LRRC53: variants seen among roughly 807,000 people sequenced by gnomAD.
LRRC53 encodes the protein leucine rich repeat containing 53, also known as leucine-rich repeat-containing protein 53.
LRRC53 carries 25 observed loss-of-function variants against 13.6 expected under a neutral mutation model. The observed-to-expected ratio is 1.83, with a 90% CI of 1.34 to 2.56. The LOEUF is 2.56. LRRC53 is among the 30% of genes most tolerant of loss of function. The pLI is 0.00. For synonymous variants in LRRC53, 204 were observed against 109.8 expected (o/e 1.86, Z -5.37); for missense variants, 527 against 275.8 (o/e 1.91, Z -6.45).
At chr1:74,493,931 C>T (rs1461561259) in intron 1 of LRRC53, among the ~76,000 whole-genome samples, 2 of 152,140 alleles carry the variant, frequency 1.3e-5, no homozygotes, top group African/African-American at 4.8e-5. Flanking sequence ...ATTGCAAAGC[C>T]ATATGGCAAA....
the LRRC53 span, among the ~76,000 whole-genome samples, chr1:74,525,738 T>C: frequency 6.6e-6 from 1 of 152,178 alleles, no homozygotes; most frequent in Non-Finnish European, 1.5e-5. Context: ...GAGAACTTCT[T>C]ACAGCATCCA....
the LRRC53 span, among the ~76,000 whole-genome samples, chr1:74,521,628 C>A: frequency 6.6e-6 from 1 of 152,054 alleles, no homozygotes; most frequent in East Asian, 1.9e-4. Context: ...GGTAAAGACG[C>A]ACTATATTCC....
chr1:74,500,084 T>C (rs957140288), intron 1 of LRRC53, among the ~76,000 whole-genome samples: 1 of 151,884 alleles, frequency 6.6e-6, no homozygotes, highest in Non-Finnish European at 1.5e-5. Context: ...ATTTTTAATA[T>C]GTTTGTCTTA....
the LRRC53 span, among the ~76,000 whole-genome samples, chr1:74,536,855 C>G: frequency 6.6e-6 from 1 of 152,144 alleles, no homozygotes; most frequent in Non-Finnish European, 1.5e-5. Flanking sequence ...AGCTGCATCA[C>G]TGTATTTTCA....
chr1:74,474,074 T>C (rs184484696), intron 4 of LRRC53, among the ~76,000 whole-genome samples: 427 of 152,272 alleles, frequency 2.8e-3, no homozygotes, highest in Non-Finnish European at 3.6e-3. Context: ...TTCTTAAAAG[T>C]ATTCATGTTA....
Position 74,493,769 on chromosome 1 carries a change from G to A in LRRC53, c.-26-10394C>T, listed in dbSNP as rs539259720. Among the ~76,000 whole-genome samples the A allele has an allele frequency of 2.4e-4, 36 of 152,264 alleles. No individual in the cohort carries two copies. The South Asian group carries it at 7.5e-3, about 32-fold the overall frequency. The stretch of plus-strand genomic sequence containing the variant: ...GGGGTATATTCTTCTCACAGACAAA[G>A]GCTAGTAACTCAAGAGGACAAGCCC... On this transcript the variant is annotated intron_variant, in intron 1 of 4. Coordinates refer to ENST00000294635, the MANE Select transcript of LRRC53 (RefSeq NM_001382280.1).
At chr1:74,480,106 T>A (rs559019679) in intron 3 of LRRC53, 47 bp downstream of exon 3, 2 of 666,156 alleles carry the variant, frequency 3.0e-6, no homozygotes, top group Admixed American at 2.3e-5. Flanking sequence ...TGCAAAAATA[T>A]GGACAAGAGA....
intron 4 of LRRC53, among the ~76,000 whole-genome samples, chr1:74,473,506 A>G (rs1668039318): frequency 6.6e-6 from 1 of 151,476 alleles, no homozygotes; most frequent in Admixed American, 6.6e-5. Flanking sequence ...AAAAATCCTA[A>G]CAGCACTATT....
chr1:74,492,197 C>A, intron 1 of LRRC53: 1 of 1,612,840 alleles, frequency 6.2e-7, no homozygotes, highest in Non-Finnish European at 8.5e-7. Flanking sequence ...AGTCATGTGG[C>A]AGCATTAAGA....
chr1:74,536,865 A>G, the LRRC53 span, among the ~76,000 whole-genome samples: 1 of 152,058 alleles, frequency 6.6e-6, no homozygotes, highest in African/African-American at 2.4e-5. Context: ...CTGTATTTTC[A>G]CTGACCACAA....
intron 1 of LRRC53, among the ~76,000 whole-genome samples, chr1:74,497,414 C>A (rs187092044): frequency 1.1e-3 from 163 of 152,158 alleles, no homozygotes; most frequent in African/African-American, 3.7e-3. Flanking sequence ...TATCCTCTCT[C>A]CATCCCTAAC....
chr1:74,476,088 T>A (rs745953694), intron 3 of LRRC53, among the ~76,000 whole-genome samples: 8 of 152,142 alleles, frequency 5.3e-5, no homozygotes, highest in Non-Finnish European at 8.8e-5. Context: ...GAACTGAAAC[T>A]CATTTAAGAT....
chr1:74,476,159 C>T (rs749548674), intron 3 of LRRC53, among the ~76,000 whole-genome samples: 2 of 152,130 alleles, frequency 1.3e-5, no homozygotes, highest in Non-Finnish European at 2.9e-5. Context: ...TATGAACTCT[C>T]ATAATAGAGT....
chr1:74,521,630 C>T, the LRRC53 span, among the ~76,000 whole-genome samples: 2 of 152,108 alleles, frequency 1.3e-5, no homozygotes, highest in Admixed American at 1.3e-4. Context: ...TAAAGACGCA[C>T]TATATTCCTA....
chr1:74,506,492 C>A (rs1669909419), intron 1 of LRRC53, among the ~76,000 whole-genome samples: 1 of 152,166 alleles, frequency 6.6e-6, no homozygotes, highest in Non-Finnish European at 1.5e-5. Flanking sequence ...TGCTCTCATA[C>A]TAATCAGTTG....
At chr1:74,508,116 G>C (rs933140586) in intron 1 of LRRC53, among the ~76,000 whole-genome samples, 1 of 152,212 alleles carries the variant, frequency 6.6e-6, no homozygotes. Flanking sequence ...GGAGAGGCAG[G>C]CATGTGGATA....
chr1:74,485,596 A>C (rs997848520), intron 1 of LRRC53, among the ~76,000 whole-genome samples: 1 of 152,162 alleles, frequency 6.6e-6, no homozygotes, highest in Non-Finnish European at 1.5e-5. Context: ...ATGATGAGAT[A>C]TTACTCCCAT....
Position 74,485,034 on chromosome 1 carries a change from G to C in LRRC53, c.-26-1659C>G, listed in dbSNP as rs78483901. Among the ~76,000 whole-genome samples, 132 of 152,268 alleles carry C rather than the reference G, an allele frequency of 8.7e-4. 1 individual carries two copies. The highest frequency in any genetic ancestry group is 3.0e-3 in the African/African-American group (126 of 41,554). ...ATGCAATTTAATTTAACAAATTTGA[G>C]CTCATTTAACCTGTCTGATGGAATG... is the stretch of plus-strand genomic sequence containing the variant. On this transcript the variant is annotated intron_variant, in intron 1 of 4. Coordinates refer to ENST00000294635, the MANE Select transcript of LRRC53 (RefSeq NM_001382280.1).
chr1:74,471,689 A>C lies in LRRC53; in HGVS notation c.1933T>G (p.Leu645Val). 5.0e-6 allele frequency: 2 copies of C among 401,322 alleles called. No homozygotes were observed. The highest frequency in any genetic ancestry group is 8.8e-6 in the Non-Finnish European group (2 of 226,694). The allele number at this position is 401,322 out of a possible 1,614,324, so 24.9% of individuals were successfully genotyped here. ...PKRVIFHDPD[L>V]VEINRSMMSP... The stretch of plus-strand genomic sequence containing the variant: ...ATCATCGACCTATTTATTTCTACTA[A>C]ATCAGGATCATGGAAGATAACCCTC... The change falls in exon 5 of 5, where the codon TTA becomes GTA. Residue 645 changes from leucine (L) to valine (V), a missense_variant. Transcript: ENST00000294635.
Sources: gnomAD v4.1 joint callset for allele counts (sites outside exome capture counted in the v4.1 genomes callset) on GRCh38, gnomAD v4.1.1 for gene constraint, MANE v1.5 for transcripts, NCBI Gene and HGNC (gene_info 2026-07-23, HGNC 2026-07-21) for gene names.